The following FLNB variants were observed in gnomAD, a reference collection of about 807,000 sequenced individuals.
The protein encoded by FLNB is filamin B.
Under a neutral mutation model 250.6 loss-of-function variants are expected in FLNB, and 111 were observed. The ratio of observed to expected loss-of-function variants is 0.44; its 90% CI spans 0.38 to 0.52. The LOEUF (loss-of-function observed/expected upper bound fraction) is 0.52. Among genes scored for constraint, FLNB ranks in the 20% least tolerant of loss-of-function variants. FLNB has a pLI of 0.00. For missense variants in FLNB, 2,869 were observed against 3,447.8 expected, an observed-to-expected ratio of 0.83 and a Z score of 4.20; for synonymous variants, 1,302 against 1,372.1, an observed-to-expected ratio of 0.95 and a Z score of 1.13.
At chr3:58,079,256 T>A (rs945313242) in intron 3 of FLNB, among the ~76,000 whole-genome samples, 8 of 32,574 alleles carry the variant, frequency 2.5e-4, no homozygotes, top group Admixed American at 5.2e-4. Flanking sequence ...GGACTTAAAA[T>A]TTTTTTTTTT....
rs1442568329 is a variant in FLNB at position 58,134,695 on chromosome 3, G to A, written c.4594G>A (p.Val1532Met). 2 of 1,614,076 alleles carry A rather than the reference G, an allele frequency of 1.2e-6. No individual in the cohort carries two copies. The highest frequency in any genetic ancestry group is 1.7e-6 in the Non-Finnish European group (2 of 1,180,020). ...ASGPGLSSYGVPASLPVDFAI... is the reference protein window; with the variant it reads ...ASGPGLSSYGMPASLPVDFAI... Reference sequence around the variant, plus strand: ...TGGCCCCGGCCTTAGTTCCTATGGTGTGCCTGCCAGTCTACCTGTGGACTT... The same window carrying A: ...TGGCCCCGGCCTTAGTTCCTATGGTATGCCTGCCAGTCTACCTGTGGACTT... Residue 1532 changes from valine to methionine, a missense_variant, in exon 27 of 46, where the codon GTG (valine) becomes ATG (methionine). Around this residue, in one of 5 missense-constraint regions of FLNB, gnomAD observed 126 missense variants for 182.0 expected, o/e 0.69. Transcript: ENST00000295956.
intron 24 of FLNB, among the ~76,000 whole-genome samples, chr3:58,128,996 C>T (rs2097302148): frequency 6.6e-6 from 1 of 152,182 alleles, no homozygotes; most frequent in African/African-American, 2.4e-5. Context: ...GTTTTCTAAG[C>T]ATCAGGCTTC....
In FLNB at chr3:58,169,834, G is replaced by A. The variant is rs755601227; in HGVS notation, c.7621+41G>A. ...TTTTCAAGGGTGGGGTGGGGCAGGGGCAGGCTGGGCACCCTGGGTACACTG... is the reference window on the plus strand; with the variant it reads ...TTTTCAAGGGTGGGGTGGGGCAGGGACAGGCTGGGCACCCTGGGTACACTG... On this transcript the variant is annotated intron_variant, in intron 45 of 45. Transcript: ENST00000295956. This position sits in a 1 kb window ranked among gnomAD's most constrained non-coding sequence, Gnocchi z 4.8. 2.8e-6 allele frequency: 4 copies of A among 1,436,194 alleles called. No homozygotes were observed. Among genetic ancestry groups the A allele is most frequent in the African/African-American group, 2.8e-5 (2 of 71,854 alleles). 89.0% of individuals were successfully genotyped at this position (1,436,194 alleles called of 1,614,324 possible).
chr3:58,132,515 A>ATACACCC, intron 25 of FLNB: 1 of 501,566 alleles, frequency 2.0e-6, no homozygotes, highest in East Asian at 4.1e-5. Flanking sequence ...CATCATCCAC[A>ATACACCC]TACACCCTCC....
chr3:58,130,145 C>CTGGGGGACACACAGGAGCCATGTG (rs2097304550), intron 24 of FLNB, among the ~76,000 whole-genome samples: 2 of 152,042 alleles, frequency 1.3e-5, no homozygotes, highest in Non-Finnish European at 1.5e-5. Context: ...GGAGAGGAGT[C>CTGGGGGACACACAGGAGCCATGTG]TGGGGGACAC....
chr3:58,086,052 G>A (rs1478146233), intron 4 of FLNB, among the ~76,000 whole-genome samples: 1 of 152,016 alleles, frequency 6.6e-6, no homozygotes, highest in African/African-American at 2.4e-5. Context: ...GTGGAGTGTC[G>A]TGATGCCATC....
At chr3:58,109,807 G>A in intron 15 of FLNB, 108 bp downstream of exon 15, 1 of 1,494,464 alleles carries the variant, frequency 6.7e-7, no homozygotes, top group Non-Finnish European at 9.3e-7. Flanking sequence ...ATCTGAATAG[G>A]TAATCATCTA....
chr3:58,076,259 AT>A (rs1015317938), intron 1 of FLNB, among the ~76,000 whole-genome samples: 1 of 152,244 alleles, frequency 6.6e-6, no homozygotes, highest in Non-Finnish European at 1.5e-5. Context: ...TATCTAGGAC[AT>A]AATGATTAAT....
At position 58,077,028 on chromosome 3, in the gene FLNB, C is replaced by T; in HGVS notation, c.293-18C>T. The T allele has an allele frequency of 6.2e-7, 1 of 1,613,966 alleles. No homozygotes were observed. The highest frequency in any genetic ancestry group is 8.5e-7 in the Non-Finnish European group (1 of 1,179,934). ...GTGTAACCCAAAGGAATGACCAAGCCTGTGCTTCTCTCCCCAGATAGCAAA... is the reference window on the plus strand; with the variant it reads ...GTGTAACCCAAAGGAATGACCAAGCTTGTGCTTCTCTCCCCAGATAGCAAA... On this transcript the variant is annotated intron_variant, in intron 1 of 45. Coordinates refer to ENST00000295956, the MANE Select transcript of FLNB (RefSeq NM_001457.4).
chr3:58,131,082 G>A (rs956528873), intron 25 of FLNB, among the ~76,000 whole-genome samples, 174 bp downstream of exon 25: 9 of 152,134 alleles, frequency 5.9e-5, no homozygotes, highest in Non-Finnish European at 7.4e-5. Flanking sequence ...AAGTAAGCAG[G>A]CTTGTTATTT....
Position 58,171,215 on chromosome 3 carries a change from TA to T in FLNB, c.*455del. On this transcript the variant is annotated 3_prime_UTR_variant, in exon 46 of 46. Transcript: ENST00000295956. This position sits in a 1 kb window ranked among gnomAD's most constrained non-coding sequence, Gnocchi z 5.5. ...CAAAGGAGATGACTTAAAATCCGCTTAATCTCTTCCAGTGTCCGTGTTAATG... is the reference window on the plus strand; with the variant it reads ...CAAAGGAGATGACTTAAAATCCGCTTATCTCTTCCAGTGTCCGTGTTAATG... The T allele has an allele frequency of 4.6e-6, 1 of 219,204 alleles. No homozygotes were observed. Among genetic ancestry groups the T allele is most frequent in the Non-Finnish European group, 9.1e-6 (1 of 109,760 alleles). 13.6% of individuals were successfully genotyped at this position (219,204 alleles called of 1,614,324 possible).
rs767952837 is a variant in FLNB at position 58,129,174 on chromosome 3, G to A, written c.4223-1567G>A. ...TTTAACAACGTGTCCTGTCTTACCC[G>A]TAATGGCATGTTGATTTCCTGTGGT... On this transcript the variant is annotated intron_variant, in intron 24 of 45. Transcript: ENST00000295956. 2.0e-5 allele frequency among the ~76,000 whole-genome samples: 3 copies of A among 152,150 alleles called. No homozygotes were observed. In the South Asian group the frequency reaches 6.2e-4, roughly 31 times the overall value.
At chr3:58,010,579 C>G (rs535299086) in intron 1 of FLNB, among the ~76,000 whole-genome samples, 32 of 152,328 alleles carry the variant, frequency 2.1e-4, no homozygotes, top group Middle Eastern at 6.8e-3. Context: ...CTTTACCATT[C>G]AGAAACCAGC....
chr3:58,146,880 A>G lies in FLNB; in HGVS notation c.5615A>G (p.Lys1872Arg). The change falls in exon 34 of 46, where the codon AAA (lysine) becomes AGA (arginine). Residue 1872 changes from lysine to arginine, a missense_variant. Lys to Arg is a conservative substitution (Grantham distance 26). Around this residue, in one of 5 missense-constraint regions of FLNB, gnomAD observed 1,084 missense variants for 1,315.5 expected, o/e 0.82. Coordinates refer to ENST00000295956, the MANE Select transcript of FLNB (RefSeq NM_001457.4). ...SKAEISCIDN[K>R]DGTCTVTYLP... ...GCAGAAATCAGCTGCATTGACAATAAAGATGGGACATGCACAGTGACCTAC... is the reference window on the plus strand; with the variant it reads ...GCAGAAATCAGCTGCATTGACAATAGAGATGGGACATGCACAGTGACCTAC... The G allele has an allele frequency of 1.2e-6, 2 of 1,614,214 alleles. No individual in the cohort carries two copies. The highest frequency in any genetic ancestry group is 4.5e-5 in the East Asian group (2 of 44,876).
In FLNB at chr3:58,141,674, CTG is replaced by C. The variant is rs568656017; in HGVS notation, c.5110-183_5110-182del. ...TTGTGGGCTCACAGGGCATGCGCAT[CTG>C]ACAGTTGAAGAGAGGACACCAACTG... On this transcript the variant is annotated intron_variant, in intron 29 of 45. Coordinates refer to ENST00000295956, the MANE Select transcript of FLNB (RefSeq NM_001457.4). Among the ~76,000 whole-genome samples the C allele has an allele frequency of 3.6e-3, 546 of 152,310 alleles. 3 individuals carry two copies. Among genetic ancestry groups the C allele is most frequent in the African/African-American group, 0.012 (509 of 41,562 alleles).
chr3:58,066,816 A>G (rs2097186267), intron 1 of FLNB, among the ~76,000 whole-genome samples: 1 of 152,254 alleles, frequency 6.6e-6, no homozygotes, highest in Admixed American at 6.5e-5. Context: ...GGGATAATTT[A>G]TGAAGCAGTA....
intron 1 of FLNB, among the ~76,000 whole-genome samples, chr3:58,041,249 A>G (rs888252141): frequency 2.0e-5 from 3 of 152,244 alleles, no homozygotes; most frequent in Non-Finnish European, 4.4e-5. Context: ...TTATGATATT[A>G]CAATGAGCTT....
intron 27 of FLNB, among the ~76,000 whole-genome samples, chr3:58,135,507 C>T (rs2097314449): frequency 6.6e-6 from 1 of 152,212 alleles, no homozygotes; most frequent in African/African-American, 2.4e-5. Flanking sequence ...GCAGCCCTGC[C>T]AAAAGTCCAT....
intron 1 of FLNB, among the ~76,000 whole-genome samples, chr3:58,070,261 T>G (rs1481263870): frequency 6.6e-6 from 1 of 151,972 alleles, no homozygotes; most frequent in Non-Finnish European, 1.5e-5. Context: ...GCCAGGCTGG[T>G]CTCGAACTCC....
Sources: gnomAD v4.1 joint callset for allele counts (sites outside exome capture counted in the v4.1 genomes callset) on GRCh38, gnomAD v4.1.1 for gene constraint, gnomAD v4.1.1 regional missense constraint, Gnocchi (gnomAD v3.1) non-coding constraint, MANE v1.5 for transcripts, NCBI Gene and HGNC (gene_info 2026-07-23, HGNC 2026-07-21) for gene names.